EBF1: variants seen among roughly 807,000 people sequenced by gnomAD.
EBF1 encodes the protein transcription factor COE1.
In EBF1, 10 loss-of-function variants were observed where a neutral mutation model predicts 68.4. The ratio of observed to expected loss-of-function variants is 0.15; its 90% CI spans 0.09 to 0.25. EBF1 has a LOEUF of 0.25. Ranked by LOEUF, EBF1 falls within the 10% of genes least tolerant of loss-of-function variation. The pLI is 1.00. For synonymous variants in EBF1, 298 were observed against 299.8 expected (o/e 0.99, Z 0.06); for missense variants, 509 against 794.4 (o/e 0.64, Z 4.32).
chr5:158,946,259 A>T (rs1334879220), intron 6 of EBF1, among the ~76,000 whole-genome samples: 1 of 152,150 alleles, frequency 6.6e-6, no homozygotes, highest in Non-Finnish European at 1.5e-5. Context: ...GGAGGAGAAG[A>T]GGCATCCCGG....
In EBF1 at chr5:158,826,984, G is replaced by T. The variant is rs187107331; in HGVS notation, c.637-3667C>A. On this transcript the variant is annotated intron_variant, in intron 7 of 15. Transcript: ENST00000313708. ...AGCTTTCCTGGTTGATGTGACTTTG[G>T]CCAGGTTAACTTCTCTGAGTCCCAG... 1.6e-4 allele frequency among the ~76,000 whole-genome samples: 25 copies of T among 152,206 alleles called. No homozygotes were observed. The East Asian group carries it at 3.7e-3, about 22-fold the overall frequency.
At chr5:159,054,204 G>T (rs1011044967) in intron 6 of EBF1, among the ~76,000 whole-genome samples, 2 of 152,068 alleles carry the variant, frequency 1.3e-5, no homozygotes, top group African/African-American at 4.8e-5. Flanking sequence ...CTTAACACTT[G>T]ATCCTGCTTA....
chr5:158,969,917 A>G (rs1482619733), intron 6 of EBF1, among the ~76,000 whole-genome samples: 1 of 50,854 alleles, frequency 2.0e-5, no homozygotes, highest in African/African-American at 7.7e-5. Flanking sequence ...AGAAAGAAAG[A>G]AAAAAAAAAA....
At chr5:158,797,932 T>C (rs1172171920) in intron 8 of EBF1, among the ~76,000 whole-genome samples, 1 of 152,168 alleles carries the variant, frequency 6.6e-6, no homozygotes, top group Admixed American at 6.6e-5. Flanking sequence ...TTTTTTAACA[T>C]ACATAGAGGT....
Position 158,868,133 on chromosome 5 carries a change from A to AT in EBF1, c.555-28024dup, listed in dbSNP as rs375884731. Reference sequence around the variant, plus strand: ...ACAACATAAAAAATGGCTCCTATTCATTTTTTTTTTGCCATATTCTTCATT... The same window carrying AT: ...ACAACATAAAAAATGGCTCCTATTCATTTTTTTTTTTGCCATATTCTTCATT... On this transcript the variant is annotated intron_variant, in intron 6 of 15. Transcript: ENST00000313708. Among the ~76,000 whole-genome samples, 1,339 of 149,336 alleles carry AT rather than the reference A, an allele frequency of 9.0e-3. 17 individuals carry two copies. The highest frequency in any genetic ancestry group is 0.027 in the African/African-American group (1,108 of 40,850).
At chr5:158,710,483 A>C (rs1758962286) in intron 14 of EBF1, among the ~76,000 whole-genome samples, 1 of 152,224 alleles carries the variant, frequency 6.6e-6, no homozygotes, top group Non-Finnish European at 1.5e-5. Context: ...ATAGATCTCT[A>C]TGAGAAACAA....
intron 10 of EBF1, among the ~76,000 whole-genome samples, chr5:158,731,829 G>A (rs1018273257): frequency 2.0e-5 from 3 of 152,112 alleles, no homozygotes; most frequent in Admixed American, 1.3e-4. Context: ...TAGAGCAGCC[G>A]AGTCTCCAAG....
At chr5:158,783,200 T>A (rs1776758139) in intron 9 of EBF1, among the ~76,000 whole-genome samples, 1 of 152,216 alleles carries the variant, frequency 6.6e-6, no homozygotes, top group South Asian at 2.1e-4. Context: ...AAACTTGCAC[T>A]GGATCATGTA....
intron 6 of EBF1, among the ~76,000 whole-genome samples, chr5:158,879,826 A>C (rs1346409621): frequency 6.6e-6 from 1 of 152,226 alleles, no homozygotes. Flanking sequence ...TGTGTAGTGA[A>C]TATTAATCGC....
At chr5:158,770,842 C>T (rs1458798117) in intron 10 of EBF1, among the ~76,000 whole-genome samples, 3 of 152,190 alleles carry the variant, frequency 2.0e-5, no homozygotes, top group East Asian at 1.9e-4. Flanking sequence ...TGATCAAAAG[C>T]GCTGTTTCTT....
rs746714862 is a variant in EBF1, at chr5:158,823,334, G to T, written c.637-17C>A. On this transcript the variant is annotated splice_polypyrimidine_tract_variant and intron_variant, in intron 7 of 15. Transcript: ENST00000313708. ...CACCACGACCTGGAGACATAAGAAA[G>T]AAATGAATGAACATTTTAATATAAA... is the stretch of plus-strand genomic sequence containing the variant. The T allele has an allele frequency of 6.3e-7, 1 of 1,593,808 alleles. No homozygotes were observed.
chr5:158,997,458 C>CT, intron 6 of EBF1, among the ~76,000 whole-genome samples: 1 of 152,212 alleles, frequency 6.6e-6, no homozygotes, highest in Middle Eastern at 3.4e-3. Context: ...GTTGTTTATC[C>CT]TCCGTCTACT....
Position 159,087,387 on chromosome 5 carries a change from TATATATACATATATATACACAC to T in EBF1, c.412-2670_412-2649del, listed in dbSNP as rs1218966249. ...ATATATACACACATATATATACACATATATATACATATATATACACACACATATATACATATATACACACATA... is the reference window on the plus strand; with the variant it reads ...ATATATACACACATATATATACACATACATATATACATATATACACACATA... On this transcript the variant is annotated intron_variant, in intron 4 of 15. Transcript: ENST00000313708. 1.3e-3 allele frequency among the ~76,000 whole-genome samples: 190 copies of T among 143,284 alleles called. 1 individual carries two copies. Among genetic ancestry groups the T allele is most frequent in the African/African-American group, 4.7e-3 (177 of 37,284 alleles). 94.0% of individuals were successfully genotyped at this position (143,284 alleles called of 152,430 possible). A position where few individuals can be genotyped will look rare whatever the true frequency, so the allele number is the denominator to read the frequency against.
chr5:159,099,640 G>T lies in EBF1; in HGVS notation c.-162C>A. Reference sequence around the variant, plus strand: ...CGCACTTAGAAGATCAAGGCGGGCTGGAAAGCAAATTTTTAAAAAATGTAA... The same window carrying T: ...CGCACTTAGAAGATCAAGGCGGGCTTGAAAGCAAATTTTTAAAAAATGTAA... On this transcript the variant is annotated 5_prime_UTR_variant, in exon 1 of 16. Coordinates refer to ENST00000313708, the MANE Select transcript of EBF1 (RefSeq NM_024007.5). 1.0e-6 allele frequency: 1 copy of T among 963,510 alleles called. No individual in the cohort carries two copies. The highest frequency in any genetic ancestry group is 1.4e-6 in the Non-Finnish European group (1 of 707,068). 59.7% of individuals were successfully genotyped at this position (963,510 alleles called of 1,614,324 possible). A position where few individuals can be genotyped will look rare whatever the true frequency, so the allele number is the denominator to read the frequency against.
intron 8 of EBF1, among the ~76,000 whole-genome samples, chr5:158,819,587 T>C (rs1057385980): frequency 2.6e-5 from 4 of 152,164 alleles, no homozygotes; most frequent in Admixed American, 2.6e-4. Context: ...CTTCATGAAC[T>C]TGCCCAAATG....
At chr5:158,909,827 T>C (rs959187422) in intron 6 of EBF1, among the ~76,000 whole-genome samples, 1 of 151,810 alleles carries the variant, frequency 6.6e-6, no homozygotes, top group East Asian at 1.9e-4. Flanking sequence ...ATCCCAGCTA[T>C]TCAGGAGGCT....
chr5:158,985,684 T>A (rs1013590475), intron 6 of EBF1: 1 of 152,270 alleles, frequency 6.6e-6, no homozygotes, highest in Non-Finnish European at 1.5e-5. Flanking sequence ...ATTTTGCTGA[T>A]GTGACATCTC....
At chr5:159,042,518 C>T (rs1419151877) in intron 6 of EBF1, among the ~76,000 whole-genome samples, 2 of 151,556 alleles carry the variant, frequency 1.3e-5, no homozygotes, top group Admixed American at 6.6e-5. Context: ...GGCTGGGAAA[C>T]AATAAACTTC....
At chr5:158,990,802 C>A (rs1340230953) in intron 6 of EBF1, among the ~76,000 whole-genome samples, 1 of 152,158 alleles carries the variant, frequency 6.6e-6, no homozygotes, top group Non-Finnish European at 1.5e-5. Flanking sequence ...TCTACTATTC[C>A]TATAATGTGA....
Sources: allele counts gnomAD v4.1 joint callset (sites outside exome capture counted in the v4.1 genomes callset), GRCh38; gene constraint gnomAD v4.1.1; transcripts MANE v1.5; gene names NCBI Gene and HGNC (gene_info 2026-07-23, HGNC 2026-07-21).